Variants in TSC1 observed in about 807,000 individuals in gnomAD.
TSC1 encodes TSC complex subunit 1, also known as hamartin.
A neutral mutation model predicts 124.3 loss-of-function variants in TSC1; 20 were observed. The observed-to-expected ratio is 0.16, with a 90% confidence interval of 0.11 to 0.23. The LOEUF (loss-of-function observed/expected upper bound fraction) is 0.23. Among genes scored for constraint, TSC1 ranks in the 10% least tolerant of loss-of-function variants. The pLI, the probability that TSC1 is intolerant of heterozygous loss-of-function variation, is 1.00. For missense variants in TSC1, 1,124 were observed against 1,448.5 expected, an observed-to-expected ratio of 0.78 and a Z score of 3.64; for synonymous variants, 493 against 539.1, an observed-to-expected ratio of 0.91 and a Z score of 1.19.
Position 132,917,649 on chromosome 9 carries a change from T to A in TSC1, c.737+3714A>T, listed in dbSNP as rs575368793. Among the ~76,000 whole-genome samples, 48 of 151,946 alleles carry A rather than the reference T, an allele frequency of 3.2e-4. 1 individual carries two copies. The South Asian group carries it at 8.8e-3, about 28-fold the overall frequency. On this transcript the variant is annotated intron_variant, in intron 8 of 22. Transcript: ENST00000298552. ...ACCCGGCTCTTCTTTAAAAAAAAAT[T>A]TTTTTTAATTGGATGCTGGGACTTC... is the stretch of plus-strand genomic sequence containing the variant.
Position 132,902,298 on chromosome 9 carries a change from C to A in TSC1, c.2391+307G>T, listed in dbSNP as rs1477861997. On this transcript the variant is annotated intron_variant, in intron 18 of 22. Transcript: ENST00000298552. This position sits in a 1 kb window ranked among gnomAD's most constrained non-coding sequence, Gnocchi z 5.2. ...GTGAACAGCTACTAAGTTCTTAGGA[C>A]ATTCGTACTCACTAAGTTATTCAGA... 1.3e-5 allele frequency among the ~76,000 whole-genome samples: 2 copies of A among 152,098 alleles called. No individual in the cohort carries two copies. Among genetic ancestry groups the A allele is most frequent in the Non-Finnish European group, 2.9e-5 (2 of 68,018 alleles).
chr9:132,898,334 G>A (rs1193448625), intron 20 of TSC1, among the ~76,000 whole-genome samples: 2 of 152,170 alleles, frequency 1.3e-5, no homozygotes, highest in African/African-American at 2.4e-5. Flanking sequence ...GAAAGAAGGC[G>A]GAAAGGGTAT....
intron 12 of TSC1, 36 bp downstream of exon 12, chr9:132,910,535 C>G: frequency 1.2e-6 from 2 of 1,613,810 alleles, no homozygotes; most frequent in Non-Finnish European, 1.7e-6. Flanking sequence ...AGTCACTGTG[C>G]CTGGGCAGAG....
rs199755731 is a variant in TSC1 at position 132,903,784 on chromosome 9, C to T, written c.2075G>A (p.Arg692Gln). The change falls in exon 17 of 23, where the codon CGA (arginine) becomes CAA (glutamine). Residue 692 changes from arginine to glutamine, a missense_variant. Arg to Gln is a conservative substitution (Grantham distance 43, BLOSUM62 1). This residue lies in a region of TSC1 where 321 missense variants were observed against 397.4 expected (regional missense o/e 0.81). Transcript: ENST00000298552. This position sits in a 1 kb window ranked among gnomAD's most constrained non-coding sequence, Gnocchi z 5.9. Reference protein sequence around the residue: ...SPPSDEIRTLRDQLLLLHNQL... With the variant: ...SPPSDEIRTLQDQLLLLHNQL... ...GTTGTGCAGTAAAAGCAACTGGTCTCGGAGGGTGCGGATCTCATCTGAAGG... is the reference window on the plus strand; with the variant it reads ...GTTGTGCAGTAAAAGCAACTGGTCTTGGAGGGTGCGGATCTCATCTGAAGG... The T allele has an allele frequency of 1.0e-4, 168 of 1,613,822 alleles. No individual in the cohort carries two copies. In the East Asian group the frequency reaches 1.5e-3, roughly 14 times the overall value.
Position 132,891,525 on chromosome 9 carries a change from G to A in TSC1, c.*4710C>T. The A allele has an allele frequency of 4.3e-6, 1 of 233,416 alleles. No homozygotes were observed. The highest frequency in any genetic ancestry group is 8.5e-6 in the Non-Finnish European group (1 of 117,908). 14.5% of individuals were successfully genotyped at this position (233,416 alleles called of 1,614,324 possible). A position where few individuals can be genotyped will look rare whatever the true frequency, so the allele number is the denominator to read the frequency against. ...GGCATCTGATGTGGATTGTTGACAT[G>A]CTTTTAGGATTGAGGCGGGAAAGTT... On this transcript the variant is annotated 3_prime_UTR_variant, in exon 23 of 23. Transcript: ENST00000298552.
intron 20 of TSC1, chr9:132,899,661 C>T (rs979104675): frequency 6.6e-6 from 1 of 152,136 alleles, no homozygotes; most frequent in Non-Finnish European, 1.5e-5. Context: ...TTTTTGTTGT[C>T]TACAATTGAA....
At chr9:132,924,028 C>T (rs1293145679) in intron 5 of TSC1, among the ~76,000 whole-genome samples, 1 of 151,236 alleles carries the variant, frequency 6.6e-6, no homozygotes, top group African/African-American at 2.4e-5. Flanking sequence ...TAAAGGCTCA[C>T]TTCAAAGCAG....
chr9:132,912,645 C>T (rs1846033675), intron 8 of TSC1, 188 bp from the exon 9 acceptor site: 1 of 643,600 alleles, frequency 1.6e-6, no homozygotes, highest in African/African-American at 1.8e-5. Context: ...TATACCTTCC[C>T]TGTTTAAAAT....
chr9:132,910,878 T>C lies in TSC1; in HGVS notation c.1141+124A>G, dbSNP rs540466118. On this transcript the variant is annotated intron_variant, in intron 11 of 22. Transcript: ENST00000298552. ...TACACATTCTGAAAGCCCCAGGGAT[T>C]TGCAATAAGTGTCAAAAACAAGTTT... 22 of 1,286,764 alleles carry C rather than the reference T, an allele frequency of 1.7e-5. No individual in the cohort carries two copies. The South Asian group carries it at 2.5e-4, about 15-fold the overall frequency. 79.7% of individuals were successfully genotyped at this position (1,286,764 alleles called of 1,614,324 possible).
intron 10 of TSC1, 128 bp from the exon 11 acceptor site, chr9:132,911,241 C>T (rs369286716): frequency 1.4e-5 from 12 of 858,600 alleles, no homozygotes; most frequent in South Asian, 5.5e-5. Context: ...TTATTAAAAG[C>T]GTATCAAGAA....
intron 6 of TSC1, among the ~76,000 whole-genome samples, chr9:132,922,827 C>T (rs1376770352): frequency 6.6e-6 from 1 of 152,080 alleles, no homozygotes; most frequent in Non-Finnish European, 1.5e-5. Flanking sequence ...CACATGCTTA[C>T]AGCTTCTGAT....
chr9:132,896,129 T>C lies in TSC1; in HGVS notation c.*106A>G, dbSNP rs886063620. 3 of 1,541,126 alleles carry C rather than the reference T, an allele frequency of 1.9e-6. No homozygotes were observed. The highest frequency in any genetic ancestry group is 2.7e-5 in the African/African-American group (2 of 73,622). ...AGGACCTCCGTCCCATTTCCACACA[T>C]GAACTTGCACTCAGACCCTGGAAAC... On this transcript the variant is annotated 3_prime_UTR_variant, in exon 23 of 23. Transcript: ENST00000298552. This position sits in a 1 kb window ranked among gnomAD's most constrained non-coding sequence, Gnocchi z 4.5.
intron 1 of TSC1, among the ~76,000 whole-genome samples, chr9:132,937,157 G>C (rs1847495576): frequency 6.6e-6 from 1 of 152,212 alleles, no homozygotes; most frequent in African/African-American, 2.4e-5. Context: ...AAGTGCAGGA[G>C]CCCAGGCCAG....
intron 20 of TSC1, chr9:132,900,491 T>G: frequency 1.7e-6 from 1 of 590,944 alleles, no homozygotes; most frequent in Non-Finnish European, 3.0e-6. Context: ...CAACTACCAT[T>G]AGGTGCTTTC....
chr9:132,914,527 T>A (rs796629316), intron 8 of TSC1, among the ~76,000 whole-genome samples: 1 of 152,254 alleles, frequency 6.6e-6, no homozygotes, highest in African/African-American at 2.4e-5. Context: ...ATTAATTTTA[T>A]TGTAAGCAAA....
chr9:132,927,036 TC>T (rs1588358968), intron 4 of TSC1, 164 bp downstream of exon 4: 4 of 688,612 alleles, frequency 5.8e-6, no homozygotes, highest in Non-Finnish European at 1.0e-5. Context: ...GAATCATGGG[TC>T]CTACAAAGTA....
Position 132,906,039 on chromosome 9 carries a change from T to C in TSC1, c.1539A>G (p.Pro513=), listed in dbSNP as rs755055358. The C allele has an allele frequency of 9.9e-6, 16 of 1,613,896 alleles. No homozygotes were observed. Among genetic ancestry groups the C allele is most frequent in the Non-Finnish European group, 1.4e-5 (16 of 1,179,958 alleles). ...CCGAGTGGGTCTTCCGCTGAGAACC[T>C]GGGAGACTGTCTCGGTAAAAGGGAG... ...FDSPFYRDSL[P]GSQRKTHSAA... is the part of the protein sequence containing the mutation. Residue 513 remains proline (P), a synonymous_variant, in exon 15 of 23, where the codon CCA becomes CCG. Transcript: ENST00000298552. The surrounding 1 kb of genome is among the most constrained non-coding windows in gnomAD (Gnocchi z 4.1).
intron 9 of TSC1, 79 bp downstream of exon 9, chr9:132,912,203 A>G (rs1845998900): frequency 1.3e-6 from 2 of 1,578,266 alleles, no homozygotes; most frequent in Admixed American, 1.7e-5. Flanking sequence ...CTTACTCCAG[A>G]AAAGAAAATC....
At chr9:132,915,746 A>G (rs1466153134) in intron 8 of TSC1, among the ~76,000 whole-genome samples, 1 of 152,208 alleles carries the variant, frequency 6.6e-6, no homozygotes, top group African/African-American at 2.4e-5. Context: ...TAGGAAGCTC[A>G]TTATATCTTA....
Sources: gnomAD v4.1 joint callset for allele counts (sites outside exome capture counted in the v4.1 genomes callset) on GRCh38, gnomAD v4.1.1 for gene constraint, gnomAD v4.1.1 regional missense constraint, Gnocchi (gnomAD v3.1) non-coding constraint, MANE v1.5 for transcripts, NCBI Gene and HGNC (gene_info 2026-07-23, HGNC 2026-07-21) for gene names.